The following MARCHF3 variants were observed in gnomAD, a reference collection of about 807,000 sequenced individuals.
MARCHF3 encodes the protein membrane associated ring-CH-type finger 3.
MARCHF3 carries 13 observed loss-of-function variants against 24.2 expected under a neutral mutation model. That is an observed-to-expected ratio of 0.54 (90% confidence interval 0.35 to 0.85). The LOEUF (loss-of-function observed/expected upper bound fraction) is 0.85. Among genes scored for constraint, MARCHF3 ranks in the 40% least tolerant of loss-of-function variants. The pLI is 0.01. For synonymous variants in MARCHF3, 144 were observed against 137.3 expected (o/e 1.05, Z -0.34); for missense variants, 276 against 325.0 (o/e 0.85, Z 1.16).
intron 3 of MARCHF3, among the ~76,000 whole-genome samples, chr5:126,911,719 C>T (rs985855505): frequency 2.0e-5 from 3 of 151,844 alleles, no homozygotes; most frequent in African/African-American, 7.3e-5. Context: ...TATCTACTAA[C>T]CATAAAAGGA....
rs1032204064 is a variant in MARCHF3, at chr5:126,870,445, T to G, written c.*188A>C. ...ATCATATGATTGCAGCATCCATCAT[T>G]TGAAGTAAAACAGCATTTGCTTTCT... is the stretch of plus-strand genomic sequence containing the variant. On this transcript the variant is annotated 3_prime_UTR_variant, in exon 5 of 5. Coordinates refer to ENST00000308660, the MANE Select transcript of MARCHF3 (RefSeq NM_178450.5). The G allele has an allele frequency of 5.8e-6, 3 of 519,002 alleles. No homozygotes were observed. Among genetic ancestry groups the G allele is most frequent in the South Asian group, 3.5e-5 (1 of 28,980 alleles). The allele number at this position is 519,002 out of a possible 1,614,324, so 32.1% of individuals were successfully genotyped here. A position where few individuals can be genotyped will look rare whatever the true frequency, so the allele number is the denominator to read the frequency against.
chr5:126,892,396 G>A (rs1473718826), intron 3 of MARCHF3, among the ~76,000 whole-genome samples: 1 of 147,500 alleles, frequency 6.8e-6, no homozygotes, highest in Admixed American at 6.8e-5. Flanking sequence ...TCCAGTTTTT[G>A]CCCATTCAGT....
At position 126,927,298 on chromosome 5, in the gene MARCHF3, C is replaced by T. The variant is rs561775219; in HGVS notation, c.-56-9071G>A. 5.3e-5 allele frequency among the ~76,000 whole-genome samples: 8 copies of T among 152,290 alleles called. No individual in the cohort carries two copies. The South Asian group carries it at 1.5e-3, about 28-fold the overall frequency. On this transcript the variant is annotated intron_variant, in intron 1 of 4. Transcript: ENST00000308660. ...CACTTGCTGTCTGCATAGCCTGTAT[C>T]CTGGATTCTTGTGGACCATGAAATG... is the stretch of plus-strand genomic sequence containing the variant.
intron 1 of MARCHF3, among the ~76,000 whole-genome samples, chr5:127,016,437 A>T (rs1175790842): frequency 6.6e-6 from 1 of 152,244 alleles, no homozygotes; most frequent in Admixed American, 6.5e-5. Context: ...ACCTCATCAA[A>T]AAGTGGGCAA....
intron 3 of MARCHF3, among the ~76,000 whole-genome samples, chr5:126,903,940 T>C (rs1754192133): frequency 6.7e-6 from 1 of 150,050 alleles, no homozygotes. Flanking sequence ...ATTAGGTATA[T>C]CTCCCAATGC....
rs550527541 is a variant in MARCHF3 at position 126,870,544 on chromosome 5, G to C, written c.*89C>G. 8.1e-7 allele frequency: 1 copy of C among 1,237,250 alleles called. No homozygotes were observed. The highest frequency in any genetic ancestry group is 1.2e-6 in the Non-Finnish European group (1 of 860,768). The allele number at this position is 1,237,250 out of a possible 1,614,324, so 76.6% of individuals were successfully genotyped here. A position where few individuals can be genotyped will look rare whatever the true frequency, so the allele number is the denominator to read the frequency against. On this transcript the variant is annotated 3_prime_UTR_variant, in exon 5 of 5. Transcript: ENST00000308660. The stretch of plus-strand genomic sequence containing the variant: ...TTCTTAGACCCACAGGCTTAAGGAA[G>C]GGCTTGGGGGTCGCTCAGTGCATGA...
At chr5:126,975,330 A>T (rs569200442) in intron 1 of MARCHF3, among the ~76,000 whole-genome samples, 14 of 152,246 alleles carry the variant, frequency 9.2e-5, no homozygotes, top group Non-Finnish European at 2.1e-4. Flanking sequence ...GTTGAAAAAA[A>T]TTTTTTTATT....
intron 4 of MARCHF3, among the ~76,000 whole-genome samples, chr5:126,872,074 C>CT (rs70997318): frequency 0.39 from 36,681 of 94,668 alleles, 7,975 homozygotes; most frequent in East Asian, 0.64. Flanking sequence ...AGATCCTTGT[C>CT]TTTTTTTTTT....
intron 1 of MARCHF3, among the ~76,000 whole-genome samples, chr5:126,997,514 C>G (rs1404832764): frequency 3.3e-5 from 5 of 152,160 alleles, no homozygotes; most frequent in African/African-American, 1.2e-4. Flanking sequence ...GACCCCCTTA[C>G]CAGGTAGAAC....
intron 4 of MARCHF3, 74 bp downstream of exon 4, chr5:126,878,111 A>T: frequency 6.9e-7 from 1 of 1,453,436 alleles, no homozygotes; most frequent in Non-Finnish European, 9.6e-7. Context: ...GTTACAGACA[A>T]GAGGAAAGGC....
intron 1 of MARCHF3, among the ~76,000 whole-genome samples, chr5:126,960,323 G>C (rs771661537): frequency 1.3e-5 from 2 of 152,072 alleles, no homozygotes; most frequent in African/African-American, 2.4e-5. Context: ...CCAGAGATTT[G>C]AGTTCAGGCT....
intron 3 of MARCHF3, among the ~76,000 whole-genome samples, chr5:126,880,637 T>C (rs1256268082): frequency 6.6e-6 from 1 of 152,190 alleles, no homozygotes; most frequent in Non-Finnish European, 1.5e-5. Flanking sequence ...GAAGCTGAAC[T>C]GAGAAGAGGA....
At chr5:126,946,728 G>A (rs1020872665) in intron 1 of MARCHF3, among the ~76,000 whole-genome samples, 5 of 150,042 alleles carry the variant, frequency 3.3e-5, no homozygotes, top group Non-Finnish European at 5.9e-5. Flanking sequence ...TGGTCCCAGA[G>A]GTCAGAGAGG....
At chr5:126,975,609 G>C (rs1751165091) in intron 1 of MARCHF3, among the ~76,000 whole-genome samples, 1 of 152,168 alleles carries the variant, frequency 6.6e-6, no homozygotes, top group Non-Finnish European at 1.5e-5. Flanking sequence ...AGATGCCCTG[G>C]GAAGATCTTC....
At chr5:126,877,404 G>C (rs2126766945) in intron 4 of MARCHF3, among the ~76,000 whole-genome samples, 1 of 152,320 alleles carries the variant, frequency 6.6e-6, no homozygotes, top group East Asian at 1.9e-4. Flanking sequence ...AAATATTCTA[G>C]AAGACAGTGA....
intron 1 of MARCHF3, among the ~76,000 whole-genome samples, chr5:126,989,283 A>ATACTACTACTACTACTACTACTAGTAC (rs1481459734): frequency 2.7e-5 from 4 of 150,114 alleles, no homozygotes; most frequent in Non-Finnish European, 5.9e-5. Flanking sequence ...TGTCTCTAGA[A>ATACTACTACTACTACTACTACTAGTAC]TACTACTACT....
chr5:126,912,777 A>G (rs1319582959), intron 3 of MARCHF3, among the ~76,000 whole-genome samples: 4 of 152,242 alleles, frequency 2.6e-5, no homozygotes, highest in African/African-American at 9.6e-5. Context: ...GTCAAACAGC[A>G]AGTTCATTTC....
chr5:126,962,800 T>C (rs1348313572), intron 1 of MARCHF3, among the ~76,000 whole-genome samples: 1 of 147,588 alleles, frequency 6.8e-6, no homozygotes, highest in Admixed American at 6.9e-5. Flanking sequence ...ATTTTGAATA[T>C]GGAATACTCA....
chr5:126,896,770 C>T (rs1753934460), intron 3 of MARCHF3, among the ~76,000 whole-genome samples: 1 of 152,034 alleles, frequency 6.6e-6, no homozygotes, highest in Non-Finnish European at 1.5e-5. Context: ...TCAAGAGACA[C>T]TTTTAGAAAA....
Sources: gnomAD v4.1 joint callset for allele counts (sites outside exome capture counted in the v4.1 genomes callset) on GRCh38, gnomAD v4.1.1 for gene constraint, MANE v1.5 for transcripts, NCBI Gene and HGNC (gene_info 2026-07-23, HGNC 2026-07-21) for gene names.